Variants in CHCHD6 observed in about 807,000 individuals in gnomAD.
The protein encoded by CHCHD6 is coiled-coil-helix-coiled-coil-helix domain containing 6, also known as MICOS complex subunit MIC25.
Under a neutral mutation model 32.3 loss-of-function variants are expected in CHCHD6, and 28 were observed. The observed-to-expected ratio is 0.87, with a 90% CI of 0.64 to 1.19. CHCHD6 has a LOEUF of 1.19. Among genes scored for constraint, CHCHD6 ranks in the 50% most tolerant of loss-of-function variants. The pLI is 0.00. For missense variants in CHCHD6, 333 were observed against 307.0 expected, an observed-to-expected ratio of 1.08 and a Z score of -0.63; for synonymous variants, 122 against 117.5, an observed-to-expected ratio of 1.04 and a Z score of -0.25.
intron 5 of CHCHD6, among the ~76,000 whole-genome samples, chr3:126,868,601 C>T (rs372304513): frequency 2.6e-5 from 4 of 152,258 alleles, no homozygotes; most frequent in African/African-American, 9.6e-5. Flanking sequence ...GTATGCATGC[C>T]TAGACTGGCT....
intron 5 of CHCHD6, among the ~76,000 whole-genome samples, chr3:126,864,038 C>A (rs1252045329): frequency 6.8e-6 from 1 of 147,952 alleles, no homozygotes; most frequent in Non-Finnish European, 1.5e-5. Flanking sequence ...ACCATCACCA[C>A]CTCCTCCTCC....
chr3:126,822,944 C>T (rs1940214569), intron 4 of CHCHD6, among the ~76,000 whole-genome samples: 1 of 151,892 alleles, frequency 6.6e-6, no homozygotes, highest in African/African-American at 2.4e-5. Flanking sequence ...CCCACTCTGT[C>T]ACCCAGGCTG....
At chr3:126,724,299 C>G (rs375278690) in intron 1 of CHCHD6, among the ~76,000 whole-genome samples, 8 of 152,086 alleles carry the variant, frequency 5.3e-5, no homozygotes, top group African/African-American at 1.9e-4. Context: ...AGACGTGGCT[C>G]CAGATACCAC....
intron 4 of CHCHD6, among the ~76,000 whole-genome samples, chr3:126,825,770 G>A (rs758227603): frequency 1.3e-5 from 2 of 151,748 alleles, no homozygotes; most frequent in Non-Finnish European, 2.9e-5. Flanking sequence ...ACCTTCTCAC[G>A]CTCTTTATAG....
intron 4 of CHCHD6, among the ~76,000 whole-genome samples, chr3:126,783,395 A>G (rs1405040091): frequency 1.3e-5 from 2 of 152,244 alleles, no homozygotes; most frequent in Non-Finnish European, 2.9e-5. Context: ...GATCAGAAAC[A>G]AGGGTGCCCA....
At chr3:126,930,451 G>A (rs2078387946) in intron 6 of CHCHD6, among the ~76,000 whole-genome samples, 1 of 152,242 alleles carries the variant, frequency 6.6e-6, no homozygotes, top group Non-Finnish European at 1.5e-5. Flanking sequence ...TGAGAAGGCT[G>A]CAGTCATGGG....
chr3:126,766,913 G>A lies in CHCHD6; in HGVS notation c.411+33691G>A, dbSNP rs148556148. 1.5e-4 allele frequency: 153 copies of A among 1,049,368 alleles called. 1 individual carries two copies. In the African/African-American group the frequency reaches 1.9e-3, roughly 13 times the overall value. The allele number at this position is 1,049,368 out of a possible 1,614,324, so 65.0% of individuals were successfully genotyped here. On this transcript the variant is annotated intron_variant, in intron 4 of 7. Transcript: ENST00000290913. Reference sequence around the variant, plus strand: ...TCATCCTGCTCTGCGTGGCCCAGCCGGCCATAGCCACTGAAGCCCCAGGAG... The same window carrying A: ...TCATCCTGCTCTGCGTGGCCCAGCCAGCCATAGCCACTGAAGCCCCAGGAG...
At chr3:126,710,534 T>G (rs1290900466) in intron 1 of CHCHD6, among the ~76,000 whole-genome samples, 1 of 152,242 alleles carries the variant, frequency 6.6e-6, no homozygotes, top group Non-Finnish European at 1.5e-5. Flanking sequence ...GGAGAATTGC[T>G]ATTTTAGCAA....
intron 4 of CHCHD6, among the ~76,000 whole-genome samples, chr3:126,826,422 G>A (rs1215480616): frequency 1.3e-5 from 2 of 152,198 alleles, no homozygotes; most frequent in East Asian, 1.9e-4. Flanking sequence ...ATATTTGGCA[G>A]TAGCAAGTAT....
intron 6 of CHCHD6, among the ~76,000 whole-genome samples, chr3:126,927,640 C>T (rs371089873): frequency 3.2e-4 from 48 of 152,318 alleles, no homozygotes; most frequent in Admixed American, 9.1e-4. Flanking sequence ...GACTCACTTC[C>T]GGAATAAAGC....
intron 4 of CHCHD6, among the ~76,000 whole-genome samples, chr3:126,816,179 G>T (rs535530438): frequency 6.6e-6 from 1 of 152,256 alleles, no homozygotes; most frequent in East Asian, 1.9e-4. Flanking sequence ...AGGTCCAAGA[G>T]GAGGAGTGTT....
chr3:126,751,409 C>T (rs866486253), intron 4 of CHCHD6, among the ~76,000 whole-genome samples: 3 of 147,232 alleles, frequency 2.0e-5, no homozygotes, highest in South Asian at 2.2e-4. Flanking sequence ...AGCTGAGGCA[C>T]GAGAATTGCT....
At chr3:126,843,270 A>G (rs1200738666) in intron 4 of CHCHD6, among the ~76,000 whole-genome samples, 1 of 152,048 alleles carries the variant, frequency 6.6e-6, no homozygotes, top group Admixed American at 6.6e-5. Flanking sequence ...GGTTATGGGT[A>G]TTATCTTTTT....
At chr3:126,838,450 G>C (rs1459174612) in intron 4 of CHCHD6, among the ~76,000 whole-genome samples, 2 of 152,312 alleles carry the variant, frequency 1.3e-5, no homozygotes, top group South Asian at 2.1e-4. Flanking sequence ...TGCCTGTTCA[G>C]CTCTGCCCCT....
rs536544917 is a variant in CHCHD6 at position 126,888,094 on chromosome 3, A to G, written c.496-26586A>G. On this transcript the variant is annotated intron_variant, in intron 5 of 7. Transcript: ENST00000290913. Reference sequence around the variant, plus strand: ...GCCTGCTGCCTCTCTCTGGCTGACTAAAGTGTGGGTGTGGGAGGGAGAGCT... The same window carrying G: ...GCCTGCTGCCTCTCTCTGGCTGACTGAAGTGTGGGTGTGGGAGGGAGAGCT... Among the ~76,000 whole-genome samples, 403 of 152,166 alleles carry G rather than the reference A, an allele frequency of 2.6e-3. 1 individual carries two copies. The highest frequency in any genetic ancestry group is 8.8e-3 in the African/African-American group (366 of 41,532).
intron 5 of CHCHD6, among the ~76,000 whole-genome samples, chr3:126,911,654 G>T (rs779871163): frequency 1.3e-5 from 2 of 152,234 alleles, no homozygotes; most frequent in African/African-American, 2.4e-5. Flanking sequence ...TTGGCCTGTG[G>T]GTACTTCCTG....
chr3:126,712,452 A>C (rs1030565954), intron 1 of CHCHD6, among the ~76,000 whole-genome samples: 3 of 152,148 alleles, frequency 2.0e-5, no homozygotes, highest in African/African-American at 7.2e-5. Context: ...GTAAAAGATA[A>C]ATCTATAAAA....
chr3:126,922,654 T>TAC (rs1255173830), intron 6 of CHCHD6, among the ~76,000 whole-genome samples: 1 of 140,904 alleles, frequency 7.1e-6, no homozygotes. Flanking sequence ...TGTGTGTGTG[T>TAC]ACACATGCTT....
intron 4 of CHCHD6, among the ~76,000 whole-genome samples, chr3:126,833,822 G>A (rs987115533): frequency 2.6e-5 from 4 of 152,112 alleles, no homozygotes; most frequent in South Asian, 2.1e-4. Flanking sequence ...TTGGGAGGCC[G>A]AGGCGGGCGG....
Sources: allele counts gnomAD v4.1 joint callset (sites outside exome capture counted in the v4.1 genomes callset), GRCh38; gene constraint gnomAD v4.1.1; transcripts MANE v1.5; gene names NCBI Gene and HGNC (gene_info 2026-07-23, HGNC 2026-07-21).